POP1: variants seen among roughly 807,000 people sequenced by gnomAD.
The protein encoded by POP1 is POP1 ribonuclease P/MRP subunit, also known as ribonucleases P/MRP protein subunit POP1.
In POP1, 75 loss-of-function variants were observed where a neutral mutation model predicts 102.2. That is an observed-to-expected ratio of 0.73 (90% CI 0.61 to 0.89). POP1 has a LOEUF of 0.89. POP1 is among the 40% of genes least tolerant of loss of function. The probability of loss-of-function intolerance (pLI) is 0.00; values close to 1 mark genes in which losing one functional copy is unlikely to be tolerated. For synonymous variants in POP1, 436 were observed against 464.1 expected (o/e 0.94, Z 0.78); for missense variants, 1,116 against 1,267.4 (o/e 0.88, Z 1.81).
At chr8:98,143,284 A>T (rs1262148034) in intron 11 of POP1, among the ~76,000 whole-genome samples, 1 of 152,216 alleles carries the variant, frequency 6.6e-6, no homozygotes, top group East Asian at 1.9e-4. Flanking sequence ...TTCTCTTCCC[A>T]GTAAAGACTA....
intron 4 of POP1, 129 bp downstream of exon 4, chr8:98,128,669 A>C: frequency 4.7e-6 from 5 of 1,064,866 alleles, no homozygotes; most frequent in Non-Finnish European, 6.9e-6. Context: ...CTGTAATCTC[A>C]GCACTTTGAG....
chr8:98,133,825 A>G (rs989252508), intron 5 of POP1, 124 bp from the exon 6 acceptor site: 8 of 792,204 alleles, frequency 1.0e-5, no homozygotes, highest in African/African-American at 1.7e-5. Context: ...TTATGAGAAC[A>G]TAGCTTTAGC....
Position 98,123,446 on chromosome 8 carries a change from G to A in POP1, c.109G>A (p.Gly37Arg), listed in dbSNP as rs1240993528. Residue 37 changes from glycine (G) to arginine (R), a missense_variant, in exon 2 of 16, where the codon GGA becomes AGA. Physicochemically the swap from Gly to Arg is moderately radical, Grantham distance 125 (BLOSUM62 -2). Transcript: ENST00000401707. The stretch of plus-strand genomic sequence containing the variant: ...TGACAGAGGTGTAAAGCACCACAGT[G>A]GAGGTGAAAAACCTTTCCAAGCTCA... Reference protein sequence around the residue: ...VADRGVKHHSGGEKPFQAQKQ... With the variant: ...VADRGVKHHSRGEKPFQAQKQ... 3.1e-6 allele frequency: 5 copies of A among 1,613,908 alleles called. No individual in the cohort carries two copies. Among genetic ancestry groups the A allele is most frequent in the African/African-American group, 1.3e-5 (1 of 74,904 alleles).
chr8:98,124,514 T>C (rs1395037608), intron 2 of POP1, among the ~76,000 whole-genome samples: 2 of 151,174 alleles, frequency 1.3e-5, no homozygotes, highest in Admixed American at 6.6e-5. Context: ...TGAGCCAAGA[T>C]CGTGCCACTG....
At position 98,117,380 on chromosome 8, in the gene POP1, G is replaced by T; in HGVS notation, c.-13G>T. 2 of 451,540 alleles carry T rather than the reference G, an allele frequency of 4.4e-6. No individual in the cohort carries two copies. Among genetic ancestry groups the T allele is most frequent in the South Asian group, 4.6e-5 (2 of 43,772 alleles). 28.0% of individuals were successfully genotyped at this position (451,540 alleles called of 1,614,324 possible). A position where few individuals can be genotyped will look rare whatever the true frequency, so the allele number is the denominator to read the frequency against. On this transcript the variant is annotated 5_prime_UTR_variant, in exon 1 of 16. Transcript: ENST00000401707. ...CATTCTGACCCGGGGATTCCTCACA[G>T]CGTCTGGCAGGTTGGTCGTGAGGGG...
intron 4 of POP1, 82 bp downstream of exon 4, chr8:98,128,622 A>G (rs1481758503): frequency 6.7e-7 from 1 of 1,502,624 alleles, no homozygotes; most frequent in East Asian, 2.3e-5. Flanking sequence ...AGAATTTATT[A>G]AAAATGAAAA....
At chr8:98,129,702 A>T (rs1360279514) in intron 4 of POP1, among the ~76,000 whole-genome samples, 1 of 152,224 alleles carries the variant, frequency 6.6e-6, no homozygotes, top group Non-Finnish European at 1.5e-5. Context: ...TGAACATTTT[A>T]TAAGTATTCT....
chr8:98,148,952 T>G lies in POP1; in HGVS notation c.1848T>G (p.Ser616Arg). The G allele has an allele frequency of 6.2e-7, 1 of 1,613,762 alleles. No individual in the cohort carries two copies. The highest frequency in any genetic ancestry group is 1.1e-5 in the South Asian group (1 of 91,002). ...VTGEDRLGWG[S>R]GWDVLLPKGW... ...GTGAAGATCGACTAGGCTGGGGAAG[T>G]GGCTGGGATGTCCTACTCCCAAAGG... Residue 616 changes from serine (S) to arginine (R), a missense_variant, in exon 13 of 16, where the codon AGT (serine) becomes AGG (arginine). Ser to Arg is a moderately radical substitution (Grantham distance 110). Coordinates refer to ENST00000401707, the MANE Select transcript of POP1 (RefSeq NM_001145860.2).
rs1245742461 is a variant in POP1, at chr8:98,123,234, T to C, written c.-2-102T>C. On this transcript the variant is annotated intron_variant, in intron 1 of 15. Coordinates refer to ENST00000401707, the MANE Select transcript of POP1 (RefSeq NM_001145860.2). ...ATACTAATAGGGTCTCTTCCATCAA[T>C]AGACTTATTTTGAATCACATGAATA... 6 of 1,373,336 alleles carry C rather than the reference T, an allele frequency of 4.4e-6. 1 individual carries two copies. The highest frequency in any genetic ancestry group is 1.3e-5 in the South Asian group (1 of 79,992). The allele number at this position is 1,373,336 out of a possible 1,614,324, so 85.1% of individuals were successfully genotyped here.
At chr8:98,145,713 C>G (rs1816825909) in intron 11 of POP1, among the ~76,000 whole-genome samples, 1 of 152,062 alleles carries the variant, frequency 6.6e-6, no homozygotes, top group Non-Finnish European at 1.5e-5. Context: ...TAAGACCAGC[C>G]TAGCCAACAC....
At chr8:98,120,185 G>T (rs1422164348) in intron 1 of POP1, among the ~76,000 whole-genome samples, 1 of 152,170 alleles carries the variant, frequency 6.6e-6, no homozygotes, top group Non-Finnish European at 1.5e-5. Context: ...AATGCAGACC[G>T]ATCTGAATCA....
intron 2 of POP1, among the ~76,000 whole-genome samples, chr8:98,125,549 CTT>C (rs749890251): frequency 2.4e-4 from 36 of 148,894 alleles, no homozygotes; most frequent in Non-Finnish European, 4.5e-4. Flanking sequence ...GAAATGTTGC[CTT>C]TTTTTTGGAG....
intron 12 of POP1, among the ~76,000 whole-genome samples, chr8:98,148,162 T>C (rs1809405950): frequency 6.6e-6 from 1 of 152,098 alleles, no homozygotes; most frequent in Admixed American, 6.5e-5. Context: ...TAGTGGAAAC[T>C]CCGAAAGTGA....
chr8:98,150,456 T>C (rs1232920168), intron 13 of POP1, 29 bp from the exon 14 acceptor site: 2 of 1,613,060 alleles, frequency 1.2e-6, no homozygotes, highest in Admixed American at 1.7e-5. Context: ...GTTGGTAGAC[T>C]GACAGTATCT....
intron 14 of POP1, among the ~76,000 whole-genome samples, 178 bp downstream of exon 14, chr8:98,150,817 A>G (rs1279168754): frequency 6.6e-6 from 1 of 152,146 alleles, no homozygotes; most frequent in Non-Finnish European, 1.5e-5. Flanking sequence ...TCTTATATCT[A>G]TTTGGCTTTT....
Position 98,130,052 on chromosome 8 carries a change from C to G in POP1, c.561C>G (p.Asn187Lys). 6.2e-7 allele frequency: 1 copy of G among 1,614,058 alleles called. No individual in the cohort carries two copies. Residue 187 changes from asparagine (N) to lysine (K), a missense_variant, in exon 5 of 16, where the codon AAC becomes AAG. Asn to Lys is a moderately conservative substitution (Grantham distance 94). Coordinates refer to ENST00000401707, the MANE Select transcript of POP1 (RefSeq NM_001145860.2). ...ATAAAGCTCGAAGATGTCACATGAACCGGACGCTAGAATTTAACCGTAGAC... is the reference window on the plus strand; with the variant it reads ...ATAAAGCTCGAAGATGTCACATGAAGCGGACGCTAGAATTTAACCGTAGAC... ...KCHKARRCHM[N>K]RTLEFNRRQK...
chr8:98,139,014 G>A (rs956663168), intron 9 of POP1, among the ~76,000 whole-genome samples: 6 of 152,010 alleles, frequency 3.9e-5, no homozygotes, highest in Non-Finnish European at 7.4e-5. Context: ...CAACACACCC[G>A]GCTAATATTT....
rs1809715218 is a variant in POP1 at position 98,158,319 on chromosome 8, C to T, written c.*48C>T. On this transcript the variant is annotated 3_prime_UTR_variant, in exon 16 of 16. Transcript: ENST00000401707. ...GGCATAGATAATACGTTATTATTGT[C>T]TGCCAAGTTCTACATGTGGAGAATC... 1 of 1,584,064 alleles carries T rather than the reference C, an allele frequency of 6.3e-7. No homozygotes were observed. The highest frequency in any genetic ancestry group is 1.1e-5 in the South Asian group (1 of 90,058).
chr8:98,150,575 G>T lies in POP1; in HGVS notation c.1993G>T (p.Asp665Tyr), dbSNP rs1809489483. ...GCCTAATGTCCCAGGCGATTTTCCAGACTGCCCTGCCGGGATGCTGTTTGC... is the reference window on the plus strand; with the variant it reads ...GCCTAATGTCCCAGGCGATTTTCCATACTGCCCTGCCGGGATGCTGTTTGC... ...RSPNVPGDFP[D>Y]CPAGMLFAEE... The change falls in exon 14 of 16, where the codon GAC (aspartate) becomes TAC (tyrosine). Residue 665 changes from aspartate to tyrosine, a missense_variant. Coordinates refer to ENST00000401707, the MANE Select transcript of POP1 (RefSeq NM_001145860.2). 6.2e-7 allele frequency: 1 copy of T among 1,614,194 alleles called. No individual in the cohort carries two copies.
Sources: allele counts gnomAD v4.1 joint callset (sites outside exome capture counted in the v4.1 genomes callset), GRCh38; gene constraint gnomAD v4.1.1; transcripts MANE v1.5; gene names NCBI Gene and HGNC (gene_info 2026-07-23, HGNC 2026-07-21).